Variants in MTERF4 observed in about 807,000 individuals in gnomAD.
MTERF4 encodes transcription termination factor 4, mitochondrial.
MTERF4 carries 17 observed loss-of-function variants against 22.5 expected under a neutral mutation model. That is an observed-to-expected ratio of 0.75 (90% CI 0.52 to 1.13). The LOEUF is 1.13. Among genes scored for constraint, MTERF4 ranks in the 50% most tolerant of loss-of-function variants. MTERF4 has a pLI of 0.00. For synonymous variants in MTERF4, 165 were observed against 175.3 expected (o/e 0.94, Z 0.47); for missense variants, 420 against 466.8 (o/e 0.90, Z 0.92).
At chr2:241,092,986 C>T (rs554239009), downstream of MTERF4, 1 of 152,264 alleles carries the variant, frequency 6.6e-6, no homozygotes, top group African/African-American at 2.4e-5. The surrounding 1 kb of genome is among the most constrained non-coding windows in gnomAD (Gnocchi z 4.6). Flanking sequence ...AGAGGGCCTC[C>T]TTCCTTTCCT....
At chr2:241,043,337 A>G in the MTERF4 span, among the ~76,000 whole-genome samples, 39 of 152,354 alleles carry the variant, frequency 2.6e-4, no homozygotes, top group Non-Finnish European at 4.7e-4. Flanking sequence ...AATGCAAGCC[A>G]GGAGACACTG....
downstream of MTERF4, chr2:241,089,389 C>A: frequency 1.3e-6 from 2 of 1,550,468 alleles, no homozygotes; most frequent in South Asian, 2.4e-5. Context: ...GGAGAAATGT[C>A]ATTCAGGAAC....
downstream of MTERF4, among the ~76,000 whole-genome samples, chr2:241,086,723 G>C (rs1035941100): frequency 6.6e-6 from 1 of 152,242 alleles, no homozygotes; most frequent in African/African-American, 2.4e-5. Context: ...TAGCATATGA[G>C]TTGGAGCTTT....
downstream of MTERF4, chr2:241,082,250 G>A (rs1221277712): frequency 8.2e-6 from 13 of 1,577,388 alleles, no homozygotes; most frequent in Non-Finnish European, 1.1e-5. Context: ...GGAGCACCTG[G>A]TGAGCCACTG....
At chr2:241,044,473 A>G in the MTERF4 span, among the ~76,000 whole-genome samples, 1 of 152,192 alleles carries the variant, frequency 6.6e-6, no homozygotes. Context: ...CTGAAAAGTA[A>G]ATAGTAGCAG....
downstream of MTERF4, chr2:241,088,050 G>C (rs376030406): frequency 2.3e-6 from 1 of 439,370 alleles, no homozygotes; most frequent in Non-Finnish European, 4.0e-6. Flanking sequence ...CGTGCTGCTC[G>C]GCCTGTGCAC....
chr2:241,072,650 C>T lies in MTERF4; in HGVS notation n.3512G>A, dbSNP rs560962255. 327 of 222,186 alleles carry T rather than the reference C, an allele frequency of 1.5e-3. 2 individuals carry two copies. Among genetic ancestry groups the T allele is most frequent in the African/African-American group, 7.3e-3 (311 of 42,624 alleles). The allele number at this position is 222,186 out of a possible 1,614,324, so 13.8% of individuals were successfully genotyped here. A position where few individuals can be genotyped will look rare whatever the true frequency, so the allele number is the denominator to read the frequency against. On this transcript the variant is annotated non_coding_transcript_exon_variant, in exon 5 of 5. Transcript: ENST00000464344. ...CCAGAGCCCTGGGGTCCCTGCCGCA[C>T]GGTGAGCAGGGGAGAGAGCCCCCAG...
At chr2:241,084,081 C>G (rs1048812727), downstream of MTERF4, among the ~76,000 whole-genome samples, 5 of 150,862 alleles carry the variant, frequency 3.3e-5, no homozygotes, top group Admixed American at 2.0e-4. Context: ...CACCTTAACA[C>G]AATGTACCCT....
At chr2:241,063,139 G>C in the MTERF4 span, among the ~76,000 whole-genome samples, 24 of 152,364 alleles carry the variant, frequency 1.6e-4, no homozygotes, top group African/African-American at 5.5e-4. Flanking sequence ...GCTTCAGGGC[G>C]CAGAGAAGGT....
At chr2:241,047,102 G>T in the MTERF4 span, among the ~76,000 whole-genome samples, 779 of 141,254 alleles carry the variant, frequency 5.5e-3, 3 homozygotes, top group African/African-American at 0.019. Flanking sequence ...CCGAGATCGC[G>T]CCACTGCACT....
At chr2:241,066,600 A>G in the MTERF4 span, among the ~76,000 whole-genome samples, 2 of 149,022 alleles carry the variant, frequency 1.3e-5, no homozygotes, top group Admixed American at 1.3e-4. Flanking sequence ...AGGTGCTGAG[A>G]GCACAGACTG....
chr2:241,069,102 C>A, downstream of MTERF4: 1 of 988,190 alleles, frequency 1.0e-6, no homozygotes, highest in Non-Finnish European at 1.5e-6. This position sits in a 1 kb window ranked among gnomAD's most constrained non-coding sequence, Gnocchi z 4.9. Context: ...CTCCCCTAGT[C>A]CTCTCCAAAG....
rs766430087 is a variant in MTERF4, at chr2:241,096,301, C to T, written c.843G>A (p.Gly281=). The T allele has an allele frequency of 1.2e-6, 2 of 1,614,176 alleles. No homozygotes were observed. Among genetic ancestry groups the T allele is most frequent in the Admixed American group, 3.3e-5 (2 of 60,022 alleles). Residue 281 remains glycine (G), a synonymous_variant, in exon 4 of 4, where the codon GGG becomes GGA. Coordinates refer to ENST00000391980, the MANE Select transcript of MTERF4 (RefSeq NM_182501.4). This position sits in a 1 kb window ranked among gnomAD's most constrained non-coding sequence, Gnocchi z 5.1. ...GCAATGGGTTAGGGATCTGTGTCTG[C>T]CCCTTCTTATCAGGGGTTTGGTACC... ...LGRYQTPDKK[G]QTQIPNPLLK...
chr2:241,082,188 C>CG (rs2063360407), downstream of MTERF4: 1 of 1,052,938 alleles, frequency 9.5e-7, no homozygotes, highest in African/African-American at 1.6e-5. Flanking sequence ...TAAGGACCCC[C>CG]GGGCCCTCTC....
the MTERF4 span, chr2:241,051,228 G>A: frequency 6.5e-6 from 1 of 152,960 alleles, no homozygotes; most frequent in African/African-American, 2.4e-5. This position sits in a 1 kb window ranked among gnomAD's most constrained non-coding sequence, Gnocchi z 4.7. Context: ...CTTTAAATAT[G>A]TGCTTGCCTC....
Position 241,095,778 on chromosome 2 carries a change from C to A in MTERF4, c.*220G>T, listed in dbSNP as rs184080439. ...CTTATTCAGGATGGGACAGGGCCCT[C>A]CCCACAGACACGTGACAACAGATCA... On this transcript the variant is annotated 3_prime_UTR_variant, in exon 4 of 4. Transcript: ENST00000391980. 2 of 756,554 alleles carry A rather than the reference C, an allele frequency of 2.6e-6. No homozygotes were observed. Among genetic ancestry groups the A allele is most frequent in the Admixed American group, 5.8e-5 (2 of 34,244 alleles). 46.9% of individuals were successfully genotyped at this position (756,554 alleles called of 1,614,324 possible).
downstream of MTERF4, among the ~76,000 whole-genome samples, chr2:241,085,300 T>C (rs1003167519): frequency 1.2e-4 from 19 of 152,210 alleles, no homozygotes; most frequent in Admixed American, 1.3e-4. Flanking sequence ...TTTTTCAGTC[T>C]TTTCATTTTG....
chr2:241,078,101 G>C (rs1191506257), intron 4 of MTERF4, among the ~76,000 whole-genome samples: 3 of 152,098 alleles, frequency 2.0e-5, no homozygotes, highest in Non-Finnish European at 4.4e-5. Context: ...GAAAGGAAAA[G>C]TGGCCGGGCG....
At chr2:241,042,664 G>A in the MTERF4 span, among the ~76,000 whole-genome samples, 5 of 152,110 alleles carry the variant, frequency 3.3e-5, no homozygotes, top group African/African-American at 9.7e-5. Context: ...AAAACCTAAT[G>A]AGAAGTAGAA....
Sources: gnomAD v4.1 joint callset for allele counts (sites outside exome capture counted in the v4.1 genomes callset) on GRCh38, gnomAD v4.1.1 for gene constraint, Gnocchi (gnomAD v3.1) non-coding constraint, MANE v1.5 for transcripts, NCBI Gene and HGNC (gene_info 2026-07-23, HGNC 2026-07-21) for gene names.